The following PPP6R3 variants were observed in gnomAD, a reference collection of about 807,000 sequenced individuals.
PPP6R3 encodes protein phosphatase 6 regulatory subunit 3, also known as serine/threonine-protein phosphatase 6 regulatory subunit 3.
In PPP6R3, 38 loss-of-function variants were observed where a neutral mutation model predicts 110.7. The ratio of observed to expected loss-of-function variants is 0.34; its 90% CI spans 0.26 to 0.45. PPP6R3 has a LOEUF of 0.45. PPP6R3 is among the 20% of genes least tolerant of loss of function. PPP6R3 has a pLI of 1.00. For synonymous variants in PPP6R3, 369 were observed against 373.5 expected, an observed-to-expected ratio of 0.99 and a Z score of 0.14; for missense variants, 870 against 1,062.4, an observed-to-expected ratio of 0.82 and a Z score of 2.52.
chr11:68,475,372 T>C (rs1329137684), intron 1 of PPP6R3, among the ~76,000 whole-genome samples: 1 of 152,166 alleles, frequency 6.6e-6, no homozygotes. Flanking sequence ...CTTTCCCCCT[T>C]TTCTATTCCA....
intron 1 of PPP6R3, among the ~76,000 whole-genome samples, chr11:68,498,300 A>G (rs532489132): frequency 2.0e-5 from 3 of 152,310 alleles, no homozygotes; most frequent in African/African-American, 7.2e-5. Context: ...TAATGAAACT[A>G]TCAGTTACCC....
chr11:68,590,438 G>A (rs961717305), intron 16 of PPP6R3, among the ~76,000 whole-genome samples: 1 of 152,180 alleles, frequency 6.6e-6, no homozygotes, highest in Non-Finnish European at 1.5e-5. Context: ...AAGGCTTTAT[G>A]TCTCAGAAGG....
rs573489536 is a variant in PPP6R3 at position 68,562,724 on chromosome 11, T to G, written c.846-1579T>G. ...GTATTCTATGCAGAACGTTGGACTTTGATATATATTTTGCAGATTATGCAA... is the reference window on the plus strand; with the variant it reads ...GTATTCTATGCAGAACGTTGGACTTGGATATATATTTTGCAGATTATGCAA... On this transcript the variant is annotated intron_variant, in intron 8 of 23. Coordinates refer to ENST00000393800, the MANE Select transcript of PPP6R3 (RefSeq NM_001164161.2). 3.9e-5 allele frequency among the ~76,000 whole-genome samples: 6 copies of G among 152,308 alleles called. No homozygotes were observed. In the East Asian group the frequency reaches 1.2e-3, roughly 29 times the overall value.
intron 1 of PPP6R3, among the ~76,000 whole-genome samples, chr11:68,477,482 A>G (rs1407254680): frequency 6.6e-6 from 1 of 151,682 alleles, no homozygotes; most frequent in Non-Finnish European, 1.5e-5. Context: ...ACACTTTGGG[A>G]GTCTGAGGTG....
At chr11:68,594,265 GGA>G (rs56125097) in intron 18 of PPP6R3, among the ~76,000 whole-genome samples, 36,903 of 136,660 alleles carry the variant, frequency 0.27, 5,191 homozygotes, top group African/African-American at 0.36. Flanking sequence ...TAAAAAAGGG[GGA>G]GAGAGAGAGA....
intron 2 of PPP6R3, among the ~76,000 whole-genome samples, chr11:68,536,192 T>G (rs1421618713): frequency 1.3e-5 from 2 of 152,180 alleles, no homozygotes; most frequent in Non-Finnish European, 2.9e-5. Context: ...AAACATTTTT[T>G]TTTTGAGGCA....
At position 68,524,612 on chromosome 11, in the gene PPP6R3, C is replaced by G. The variant is rs561706822; in HGVS notation, c.-7+4961C>G. On this transcript the variant is annotated intron_variant, in intron 2 of 23. Coordinates refer to ENST00000393800, the MANE Select transcript of PPP6R3 (RefSeq NM_001164161.2). Reference sequence around the variant, plus strand: ...ACTTTTTTGTTTCTTTTCTTCACTTCAGCAGTTTTCTTCTCCCTGGCATTC... The same window carrying G: ...ACTTTTTTGTTTCTTTTCTTCACTTGAGCAGTTTTCTTCTCCCTGGCATTC... Among the ~76,000 whole-genome samples the G allele has an allele frequency of 5.3e-5, 8 of 152,182 alleles. No individual in the cohort carries two copies. The South Asian group carries it at 6.2e-4, about 12-fold the overall frequency.
rs34895243 is a variant in PPP6R3 at position 68,605,502 on chromosome 11, G to A, written c.2450+2010G>A. Among the ~76,000 whole-genome samples the A allele has an allele frequency of 8.8e-4, 134 of 152,280 alleles. 1 individual carries two copies. The highest frequency in any genetic ancestry group is 3.1e-3 in the African/African-American group (127 of 41,552). ...GTAGAAAAATAAAATTAGATATTTT[G>A]TCTCAACATAAATATGAAAAGCATG... On this transcript the variant is annotated intron_variant, in intron 22 of 23. Coordinates refer to ENST00000393800, the MANE Select transcript of PPP6R3 (RefSeq NM_001164161.2).
In PPP6R3 at chr11:68,573,113, T is replaced by TA. The variant is rs1268861781; in HGVS notation, c.1344-996_1344-995insA. Among the ~76,000 whole-genome samples the TA allele has an allele frequency of 2.8e-3, 190 of 68,326 alleles. 3 individuals are homozygous for TA. In the East Asian group the frequency reaches 0.04, roughly 14 times the overall value. 44.8% of individuals were successfully genotyped at this position (68,326 alleles called of 152,430 possible). ...ATCAGATTAATATGAGTTTACTTAT[T>TA]TTATATATATATATATATATATATA... On this transcript the variant is annotated intron_variant, in intron 12 of 23. Transcript: ENST00000393800.
At chr11:68,573,140 ATATATATATATATAAT>A (rs2099515946) in intron 12 of PPP6R3, among the ~76,000 whole-genome samples, 8 of 97,582 alleles carry the variant, frequency 8.2e-5, no homozygotes, top group East Asian at 6.2e-4. Context: ...ATATATATAT[ATATATATATATATAAT>A]TTTTTTTTTT....
chr11:68,614,902 G>GGTGA lies in PPP6R3; in HGVS notation c.*1788_*1791dup. On this transcript the variant is annotated 3_prime_UTR_variant, in exon 24 of 24. Transcript: ENST00000393800. ...ATAATATGCTCTGGTCTCGCCTGGT[G>GGTGA]GTGAGTTTTGCCAGCCATGGCCAGG... The GGTGA allele has an allele frequency of 1.2e-6, 1 of 801,678 alleles. No individual in the cohort carries two copies. Among genetic ancestry groups the GGTGA allele is most frequent in the Non-Finnish European group, 2.1e-6 (1 of 487,208 alleles). The allele number at this position is 801,678 out of a possible 1,614,324, so 49.7% of individuals were successfully genotyped here.
intron 1 of PPP6R3, among the ~76,000 whole-genome samples, chr11:68,479,095 C>T (rs771495330): frequency 6.6e-6 from 1 of 152,188 alleles, no homozygotes; most frequent in South Asian, 2.1e-4. Context: ...TTGTTCCTGA[C>T]ATGAATTTAT....
chr11:68,576,536 A>G (rs2099532260), intron 14 of PPP6R3, among the ~76,000 whole-genome samples: 1 of 152,226 alleles, frequency 6.6e-6, no homozygotes, highest in African/African-American at 2.4e-5. Flanking sequence ...TTTTACCAGA[A>G]TTGGGACTTT....
chr11:68,490,236 A>G (rs2098975214), intron 1 of PPP6R3, among the ~76,000 whole-genome samples: 2 of 152,090 alleles, frequency 1.3e-5, no homozygotes, highest in South Asian at 4.1e-4. Flanking sequence ...TCCCCCTCTC[A>G]GTGCTATAAA....
intron 1 of PPP6R3, among the ~76,000 whole-genome samples, chr11:68,470,372 A>C (rs2098782137): frequency 6.6e-6 from 1 of 151,974 alleles, no homozygotes; most frequent in African/African-American, 2.4e-5. Flanking sequence ...CAAGGTGCTA[A>C]GAAGGAGGCA....
At position 68,613,920 on chromosome 11, in the gene PPP6R3, T is replaced by TTTTG. The variant is rs1229854180; in HGVS notation, c.*807_*810dup. ...GGGATTTTTTTTTTTTTTTTTTGGCTTTTGTTTTTGTTTGTTTTTTTGTTT... is the reference window on the plus strand; with the variant it reads ...GGGATTTTTTTTTTTTTTTTTTGGCTTTTGTTTGTTTTTGTTTGTTTTTTTGTTT... On this transcript the variant is annotated 3_prime_UTR_variant, in exon 24 of 24. Transcript: ENST00000393800. 16 of 980,538 alleles carry TTTTG rather than the reference T, an allele frequency of 1.6e-5. No individual in the cohort carries two copies. In the East Asian group the frequency reaches 1.4e-3, roughly 84 times the overall value. 60.7% of individuals were successfully genotyped at this position (980,538 alleles called of 1,614,324 possible). A position where few individuals can be genotyped will look rare whatever the true frequency, so the allele number is the denominator to read the frequency against.
intron 2 of PPP6R3, among the ~76,000 whole-genome samples, chr11:68,526,078 T>A (rs909291219): frequency 6.6e-6 from 1 of 152,158 alleles, no homozygotes; most frequent in Non-Finnish European, 1.5e-5. Context: ...GCCATGCCAG[T>A]CATAACCATG....
chr11:68,537,699 A>C lies in PPP6R3; in HGVS notation c.35A>C (p.His12Pro). 6.2e-7 allele frequency: 1 copy of C among 1,612,082 alleles called. No homozygotes were observed. The highest frequency in any genetic ancestry group is 8.5e-7 in the Non-Finnish European group (1 of 1,178,372). ...AAATTTGATCTTCACTCATCATCCC[A>C]CATAGACACACTTCTAGAAAGAGAA... ...FWKFDLHSSS[H>P]IDTLLEREDV... is the part of the protein sequence containing the mutation. The change falls in exon 3 of 24, where the codon CAC becomes CCC. Residue 12 changes from histidine (H) to proline (P), a missense_variant. His to Pro is a moderately conservative substitution (Grantham distance 77). Coordinates refer to ENST00000393800, the MANE Select transcript of PPP6R3 (RefSeq NM_001164161.2).
intron 4 of PPP6R3, 55 bp from the exon 5 acceptor site, chr11:68,548,012 A>G: frequency 1.3e-6 from 2 of 1,538,380 alleles, no homozygotes; most frequent in Non-Finnish European, 1.8e-6. Context: ...TTAAAAGGTA[A>G]AGTTTATAGT....
Sources: gnomAD v4.1 joint callset for allele counts (sites outside exome capture counted in the v4.1 genomes callset) on GRCh38, gnomAD v4.1.1 for gene constraint, MANE v1.5 for transcripts, NCBI Gene and HGNC (gene_info 2026-07-23, HGNC 2026-07-21) for gene names.